Variants in RBPMS observed in about 807,000 individuals in gnomAD.
RBPMS encodes RNA-binding protein with multiple splicing.
Under a neutral mutation model 26.8 loss-of-function variants are expected in RBPMS, and 7 were observed. That is an observed-to-expected ratio of 0.26 (90% confidence interval 0.15 to 0.49). The LOEUF (loss-of-function observed/expected upper bound fraction) is 0.49, where lower values mean the gene tolerates loss of function less well. Ranked by LOEUF, RBPMS falls within the 20% of genes least tolerant of loss-of-function variation. The pLI is 0.98. For missense variants in RBPMS, 186 were observed against 250.0 expected (o/e 0.74, Z 1.73); for synonymous variants, 96 against 93.3 (o/e 1.03, Z -0.17).
chr8:30,426,941 T>C (rs529611579), intron 1 of RBPMS, among the ~76,000 whole-genome samples: 1 of 152,292 alleles, frequency 6.6e-6, no homozygotes, highest in East Asian at 1.9e-4. Context: ...TCAGAACTTG[T>C]TTACTGCCCC....
At chr8:30,440,114 A>AT (rs1812908156) in intron 1 of RBPMS, among the ~76,000 whole-genome samples, 1 of 152,044 alleles carries the variant, frequency 6.6e-6, no homozygotes, top group African/African-American at 2.4e-5. Flanking sequence ...TGTTTATTTT[A>AT]TTTTTTGGAG....
chr8:30,412,535 A>C (rs553332612), intron 1 of RBPMS, among the ~76,000 whole-genome samples: 1 of 151,302 alleles, frequency 6.6e-6, no homozygotes, highest in African/African-American at 2.4e-5. Context: ...CCTCATCTCC[A>C]TGGTTCTTGC....
At chr8:30,485,280 C>T (rs1032141738) in intron 4 of RBPMS, among the ~76,000 whole-genome samples, 3 of 152,156 alleles carry the variant, frequency 2.0e-5, no homozygotes, top group African/African-American at 7.2e-5. Flanking sequence ...AAACATTTTA[C>T]GAATATAAGC....
chr8:30,511,554 TATAG>T (rs2150957520), intron 5 of RBPMS, among the ~76,000 whole-genome samples: 1 of 146,120 alleles, frequency 6.8e-6, no homozygotes, highest in Admixed American at 6.8e-5. Context: ...TGTGTGTATG[TATAG>T]ATATATATAT....
In RBPMS at chr8:30,412,749, C is replaced by G. The variant is rs181275886; in HGVS notation, c.66+27591C>G. Among the ~76,000 whole-genome samples, 299 of 151,988 alleles carry G rather than the reference C, an allele frequency of 2.0e-3. 1 individual carries two copies. Among genetic ancestry groups the G allele is most frequent in the African/African-American group, 6.8e-3 (284 of 41,484 alleles). ...CCAATAGTACTTCATTTTTTTTAAA[C>G]CAATGAATTAAAATCCACACATATT... On this transcript the variant is annotated intron_variant, in intron 1 of 8. Transcript: ENST00000397323.
intron 4 of RBPMS, among the ~76,000 whole-genome samples, chr8:30,503,408 C>T (rs1030177965): frequency 3.3e-5 from 5 of 151,742 alleles, no homozygotes; most frequent in South Asian, 2.1e-4. Context: ...CATGCCGCCA[C>T]GCCCAGCTAA....
chr8:30,526,014 T>C (rs1018566449), intron 5 of RBPMS, among the ~76,000 whole-genome samples: 3 of 152,246 alleles, frequency 2.0e-5, no homozygotes, highest in Non-Finnish European at 4.4e-5. Context: ...GTAACAGATG[T>C]CCTTTTGATG....
intron 1 of RBPMS, among the ~76,000 whole-genome samples, chr8:30,455,657 A>G (rs1191768166): frequency 6.6e-6 from 1 of 152,188 alleles, no homozygotes; most frequent in East Asian, 1.9e-4. Context: ...TGGGAGGCCA[A>G]GGTGGGTGGA....
chr8:30,385,273 C>A, intron 1 of RBPMS, 115 bp downstream of exon 1: 1 of 656,158 alleles, frequency 1.5e-6, no homozygotes, highest in Non-Finnish European at 2.3e-6. Context: ...GCCCGTGCCC[C>A]GGACGCAGCC....
At chr8:30,411,330 G>C (rs774171026) in intron 1 of RBPMS, among the ~76,000 whole-genome samples, 1 of 152,034 alleles carries the variant, frequency 6.6e-6, no homozygotes, top group Non-Finnish European at 1.5e-5. Context: ...GACAGAGGAC[G>C]GAGGGTGGTG....
At chr8:30,434,636 G>T (rs1263595424) in intron 1 of RBPMS, among the ~76,000 whole-genome samples, 1 of 151,124 alleles carries the variant, frequency 6.6e-6, no homozygotes, top group Non-Finnish European at 1.5e-5. Context: ...CCGGGATGGC[G>T]GCCACTGCTG....
intron 1 of RBPMS, among the ~76,000 whole-genome samples, chr8:30,410,478 G>C (rs965238458): frequency 2.6e-5 from 4 of 151,892 alleles, no homozygotes; most frequent in African/African-American, 9.7e-5. Flanking sequence ...AAAGTGCCGG[G>C]ACTACAGACA....
chr8:30,448,208 C>G (rs1248838505), intron 1 of RBPMS, among the ~76,000 whole-genome samples: 2 of 152,176 alleles, frequency 1.3e-5, no homozygotes, highest in Non-Finnish European at 2.9e-5. Context: ...TAGAATTTAA[C>G]TTATTAGCTG....
intron 4 of RBPMS, among the ~76,000 whole-genome samples, chr8:30,485,847 G>T (rs1818711581): frequency 6.6e-6 from 1 of 152,138 alleles, no homozygotes; most frequent in Non-Finnish European, 1.5e-5. Context: ...TCTTTGTTCT[G>T]GCTCTGTTCT....
intron 5 of RBPMS, 75 bp downstream of exon 5, chr8:30,504,511 A>C (rs563286842): frequency 7.0e-7 from 1 of 1,438,830 alleles, no homozygotes; most frequent in Admixed American, 1.8e-5. Context: ...AGGTTACACC[A>C]TGGGACATGG....
chr8:30,417,000 C>G (rs1237853403), intron 1 of RBPMS, among the ~76,000 whole-genome samples: 3 of 152,078 alleles, frequency 2.0e-5, no homozygotes, highest in African/African-American at 4.8e-5. Flanking sequence ...GAACTCCTGA[C>G]CTCAAGTGAT....
At chr8:30,496,245 T>C (rs1299096264) in intron 4 of RBPMS, among the ~76,000 whole-genome samples, 3 of 151,708 alleles carry the variant, frequency 2.0e-5, no homozygotes, top group African/African-American at 7.3e-5. Context: ...CTCAGCTCAC[T>C]GTAATCTCCA....
At chr8:30,511,489 ATATATATATATATATAT>A (rs1821667606) in intron 5 of RBPMS, among the ~76,000 whole-genome samples, 2 of 7,582 alleles carry the variant, frequency 2.6e-4, no homozygotes, top group African/African-American at 8.8e-4. Context: ...AAAAAAAAAT[ATATATATATATATATAT>A]ATATATATAT....
intron 6 of RBPMS, chr8:30,552,875 A>T (rs1348582287): frequency 6.6e-6 from 1 of 152,208 alleles, no homozygotes; most frequent in African/African-American, 2.4e-5. Flanking sequence ...CAGTCCTAGG[A>T]CCTTGTCCTT....
Sources: allele counts gnomAD v4.1 joint callset (sites outside exome capture counted in the v4.1 genomes callset), GRCh38; gene constraint gnomAD v4.1.1; transcripts MANE v1.5; gene names NCBI Gene and HGNC (gene_info 2026-07-23, HGNC 2026-07-21).